TMEM132C: variants seen among roughly 807,000 people sequenced by gnomAD.
TMEM132C encodes transmembrane protein 132C.
A neutral mutation model predicts 61.4 loss-of-function variants in TMEM132C; 29 were observed. The ratio of observed to expected loss-of-function variants is 0.47; its 90% CI spans 0.35 to 0.64. TMEM132C has a LOEUF of 0.64. TMEM132C is among the 30% of genes least tolerant of loss of function. The pLI is 0.00. For synonymous variants in TMEM132C, 656 were observed against 633.1 expected (o/e 1.04, Z -0.54); for missense variants, 1,408 against 1,476.9 (o/e 0.95, Z 0.76).
intron 5 of TMEM132C, among the ~76,000 whole-genome samples, chr12:128,686,037 A>G (rs1446334706): frequency 1.5e-5 from 2 of 131,714 alleles, no homozygotes; most frequent in African/African-American, 5.5e-5. Flanking sequence ...GTGTGTGTGT[A>G]TTCGCGCGTG....
intron 3 of TMEM132C, among the ~76,000 whole-genome samples, chr12:128,586,816 G>C (rs1041402314): frequency 1.3e-5 from 2 of 152,212 alleles, no homozygotes; most frequent in African/African-American, 4.8e-5. Context: ...GGGGAGCACT[G>C]TGCTCAGACT....
intron 3 of TMEM132C, among the ~76,000 whole-genome samples, chr12:128,566,148 C>T (rs1200589235): frequency 2.1e-5 from 3 of 141,688 alleles, no homozygotes; most frequent in East Asian, 4.2e-4. Flanking sequence ...CCTCAGCTTC[C>T]CAAAGTGCTA....
intron 1 of TMEM132C, among the ~76,000 whole-genome samples, chr12:128,323,593 C>A (rs2135937609): frequency 6.6e-6 from 1 of 152,330 alleles, no homozygotes; most frequent in Admixed American, 6.5e-5. Flanking sequence ...AATTAGATTA[C>A]TGATAGATGC....
intron 2 of TMEM132C, among the ~76,000 whole-genome samples, chr12:128,455,033 C>G (rs1460524963): frequency 6.6e-6 from 1 of 152,204 alleles, no homozygotes; most frequent in Admixed American, 6.5e-5. Flanking sequence ...TCCACAAAAT[C>G]AGCCAAATTA....
At chr12:128,582,044 C>G (rs780697648) in intron 3 of TMEM132C, among the ~76,000 whole-genome samples, 1 of 152,162 alleles carries the variant, frequency 6.6e-6, no homozygotes. Context: ...ACGACAGGAT[C>G]CCAGGCTTCA....
rs1442609310 is a variant in TMEM132C, at chr12:128,697,290, T to G, written c.1996T>G (p.Ser666Ala). ...KTITVLDDKV[S>A]VTDLAIQLVA... ...AATAACCGTGCTAGATGACAAAGTA[T>G]CGGTGACAGACTTGGCCATCCAGCT... The change falls in exon 8 of 9, where the codon TCG becomes GCG. Residue 666 changes from serine to alanine, a missense_variant. Coordinates refer to ENST00000435159, the MANE Select transcript of TMEM132C (RefSeq NM_001136103.3). 6.5e-7 allele frequency: 1 copy of G among 1,550,128 alleles called. No homozygotes were observed. The highest frequency in any genetic ancestry group is 8.7e-7 in the Non-Finnish European group (1 of 1,145,822).
At chr12:128,340,851 T>TG (rs1872943008) in intron 1 of TMEM132C, among the ~76,000 whole-genome samples, 2 of 136,034 alleles carry the variant, frequency 1.5e-5, no homozygotes, top group Admixed American at 7.0e-5. Flanking sequence ...CTTTCTCTCT[T>TG]TCTTTCTTCC....
intron 3 of TMEM132C, among the ~76,000 whole-genome samples, chr12:128,596,502 T>G (rs1052500704): frequency 2.0e-5 from 3 of 150,520 alleles, no homozygotes; most frequent in African/African-American, 7.4e-5. Context: ...GGGCTGCCCC[T>G]TTTGCAGGTC....
At chr12:128,678,667 C>G (rs894974265) in intron 5 of TMEM132C, among the ~76,000 whole-genome samples, 1 of 152,208 alleles carries the variant, frequency 6.6e-6, no homozygotes, top group African/African-American at 2.4e-5. Flanking sequence ...GAACATCTAG[C>G]AATGTCTGGA....
chr12:128,524,676 T>C (rs1432800386), intron 2 of TMEM132C, among the ~76,000 whole-genome samples: 2 of 152,308 alleles, frequency 1.3e-5, no homozygotes, highest in African/African-American at 2.4e-5. Flanking sequence ...AATGTGCTTC[T>C]GAAGCAGGCT....
At chr12:128,408,496 A>G (rs1304525450) in intron 1 of TMEM132C, among the ~76,000 whole-genome samples, 1 of 152,132 alleles carries the variant, frequency 6.6e-6, no homozygotes, top group Non-Finnish European at 1.5e-5. Flanking sequence ...ACACTTCAAG[A>G]TTTAAGAGTA....
chr12:128,564,017 G>C (rs1271270242), intron 3 of TMEM132C, among the ~76,000 whole-genome samples: 1 of 152,154 alleles, frequency 6.6e-6, no homozygotes, highest in Non-Finnish European at 1.5e-5. Flanking sequence ...AAGTTCTGGA[G>C]GCTGTGAAGC....
At chr12:128,506,316 C>G (rs1040164482) in intron 2 of TMEM132C, among the ~76,000 whole-genome samples, 1 of 152,170 alleles carries the variant, frequency 6.6e-6, no homozygotes, top group African/African-American at 2.4e-5. Flanking sequence ...GAACAAAACC[C>G]TATGAACCAG....
At chr12:128,480,034 G>C (rs779629453) in intron 2 of TMEM132C, among the ~76,000 whole-genome samples, 11 of 152,158 alleles carry the variant, frequency 7.2e-5, no homozygotes, top group Non-Finnish European at 1.5e-5. Context: ...GATGTGGGAA[G>C]ATTGCTTGAG....
chr12:128,705,888 C>T lies in TMEM132C; in HGVS notation c.2920C>T (p.Leu974Phe). 2 of 1,551,460 alleles carry T rather than the reference C, an allele frequency of 1.3e-6. No homozygotes were observed. Among genetic ancestry groups the T allele is most frequent in the Non-Finnish European group, 1.7e-6 (2 of 1,146,990 alleles). The stretch of plus-strand genomic sequence containing the variant: ...GACCCACTCTCACGACTGGGTGTGG[C>T]TTGGCAATGAGGCCGAACTCCTGGA... Reference protein sequence around the residue: ...SMTHSHDWVWLGNEAELLESM... With the variant: ...SMTHSHDWVWFGNEAELLESM... The change falls in exon 9 of 9, where the codon CTT becomes TTT. Residue 974 changes from leucine to phenylalanine, a missense_variant. Physicochemically the swap from Leu to Phe is conservative, Grantham distance 22 (BLOSUM62 0). Coordinates refer to ENST00000435159, the MANE Select transcript of TMEM132C (RefSeq NM_001136103.3).
chr12:128,606,630 G>T (rs1876437206), intron 3 of TMEM132C, among the ~76,000 whole-genome samples: 1 of 152,166 alleles, frequency 6.6e-6, no homozygotes, highest in Admixed American at 6.5e-5. Flanking sequence ...TGTGGCAGAG[G>T]GGCCCCTAGT....
At chr12:128,532,229 G>T (rs1443879926) in intron 2 of TMEM132C, among the ~76,000 whole-genome samples, 1 of 152,018 alleles carries the variant, frequency 6.6e-6, no homozygotes, top group African/African-American at 2.4e-5. Flanking sequence ...GGAAAAGTTT[G>T]TAAATTTTGT....
intron 1 of TMEM132C, among the ~76,000 whole-genome samples, chr12:128,387,790 AGAGT>A (rs973721474): frequency 6.6e-6 from 1 of 152,178 alleles, no homozygotes; most frequent in Non-Finnish European, 1.5e-5. Flanking sequence ...CCTGGGCAAC[AGAGT>A]GAGAATCTGT....
intron 2 of TMEM132C, among the ~76,000 whole-genome samples, chr12:128,523,410 C>T (rs1872974515): frequency 6.6e-6 from 1 of 152,166 alleles, no homozygotes; most frequent in Admixed American, 6.5e-5. Flanking sequence ...GCTTAAGATG[C>T]TACATTTTAT....
Sources: allele counts gnomAD v4.1 joint callset (sites outside exome capture counted in the v4.1 genomes callset), GRCh38; gene constraint gnomAD v4.1.1; transcripts MANE v1.5; gene names NCBI Gene and HGNC (gene_info 2026-07-23, HGNC 2026-07-21).